The following DOCK7 variants were observed in gnomAD, a reference collection of about 807,000 sequenced individuals.
The protein encoded by DOCK7 is dedicator of cytokinesis protein 7.
A neutral mutation model predicts 271.0 loss-of-function variants in DOCK7; 138 were observed. That is an observed-to-expected ratio of 0.51 (90% CI 0.44 to 0.59). The LOEUF (loss-of-function observed/expected upper bound fraction) is 0.59. Among genes scored for constraint, DOCK7 ranks in the 20% least tolerant of loss-of-function variants. DOCK7 has a pLI of 0.00. For synonymous variants in DOCK7, 823 were observed against 876.1 expected, an observed-to-expected ratio of 0.94 and a Z score of 1.07; for missense variants, 2,066 against 2,592.4, an observed-to-expected ratio of 0.80 and a Z score of 4.41.
intron 18 of DOCK7, among the ~76,000 whole-genome samples, chr1:62,568,605 TAAAAAAA>T (rs549578355): frequency 2.2e-5 from 1 of 46,254 alleles, no homozygotes; most frequent in Non-Finnish European, 4.1e-5. Flanking sequence ...GTGCCCTGCC[TAAAAAAA>T]AAAAAAAAAA....
rs914834215 is a variant in DOCK7, at chr1:62,528,208, G to C, written c.3879C>G (p.Ile1293Met). 3 of 1,613,670 alleles carry C rather than the reference G, an allele frequency of 1.9e-6. No individual in the cohort carries two copies. Among genetic ancestry groups the C allele is most frequent in the African/African-American group, 1.3e-5 (1 of 74,900 alleles). Reference sequence around the variant, plus strand: ...TTAGTTGAGGGACCGATGTCCCTGCGATTGCCATGGCAACGGTCTGGCTTA... The same window carrying C: ...TTAGTTGAGGGACCGATGTCCCTGCCATTGCCATGGCAACGGTCTGGCTTA... Reference protein sequence around the residue: ...SMISQTVAMAIAGTSVPQLTR... With the variant: ...SMISQTVAMAMAGTSVPQLTR... Residue 1293 changes from isoleucine (I) to methionine (M), a missense_variant, in exon 31 of 50, where the codon ATC (isoleucine) becomes ATG (methionine). By Grantham distance (10) the Ile-to-Met change is conservative. Transcript: ENST00000635253.
At chr1:62,510,955 T>C (rs969552909) in intron 33 of DOCK7, 38 of 319,742 alleles carry the variant, frequency 1.2e-4, no homozygotes, top group Admixed American at 6.5e-4. Flanking sequence ...AACCATGGCT[T>C]ATAAGGCCTT....
intron 43 of DOCK7, among the ~76,000 whole-genome samples, chr1:62,480,267 T>C (rs1646082491): frequency 1.3e-5 from 2 of 152,222 alleles, no homozygotes; most frequent in African/African-American, 2.4e-5. Context: ...ACCTTCAATC[T>C]GAACACTGAA....
At chr1:62,663,156 C>T (rs544343972) in intron 1 of DOCK7, 26 bp from the exon 2 acceptor site, 24 of 1,476,738 alleles carry the variant, frequency 1.6e-5, no homozygotes, top group South Asian at 1.1e-4. Context: ...CAAAAACATA[C>T]GCATTATTGA....
rs755772110 is a variant in DOCK7 at position 62,604,620 on chromosome 1, C to T, written c.1682+14086G>A. Reference sequence around the variant, plus strand: ...AGTCTGTACCCATTAAATTGCATATCTATCTCCTTTAGGAGGCTGGTGGTG... The same window carrying T: ...AGTCTGTACCCATTAAATTGCATATTTATCTCCTTTAGGAGGCTGGTGGTG... On this transcript the variant is annotated intron_variant, in intron 14 of 49. Transcript: ENST00000635253. The T allele has an allele frequency of 6.2e-6, 10 of 1,612,196 alleles. No individual in the cohort carries two copies. Among genetic ancestry groups the T allele is most frequent in the South Asian group, 1.1e-5 (1 of 91,044 alleles).
intron 18 of DOCK7, among the ~76,000 whole-genome samples, chr1:62,566,015 AAGG>A (rs1269787787): frequency 2.0e-5 from 3 of 152,220 alleles, no homozygotes; most frequent in African/African-American, 7.2e-5. Context: ...GGACCTCTTC[AAGG>A]AGAACTACAC....
intron 12 of DOCK7, among the ~76,000 whole-genome samples, chr1:62,620,883 CAAAAA>C (rs767181280): frequency 3.2e-5 from 1 of 31,148 alleles, no homozygotes; most frequent in African/African-American, 9.4e-5. Flanking sequence ...GACTCCGTCT[CAAAAA>C]AAAAAAAAAA....
chr1:62,488,119 T>A (rs972620390), intron 42 of DOCK7: 1 of 152,328 alleles, frequency 6.6e-6, no homozygotes, highest in Non-Finnish European at 1.5e-5. Flanking sequence ...TAATACTGAA[T>A]ACAAAAGTGG....
chr1:62,567,249 T>A (rs1400114553), intron 18 of DOCK7, among the ~76,000 whole-genome samples: 1 of 152,140 alleles, frequency 6.6e-6, no homozygotes, highest in Non-Finnish European at 1.5e-5. Flanking sequence ...CATACACACA[T>A]ATGTTTACTG....
At chr1:62,517,551 C>T (rs898757071) in intron 31 of DOCK7, among the ~76,000 whole-genome samples, 9 of 152,058 alleles carry the variant, frequency 5.9e-5, no homozygotes, top group Admixed American at 2.0e-4. Flanking sequence ...GCCGAGATTG[C>T]GCCATTGCAC....
At chr1:62,479,201 A>T (rs1646047708) in intron 43 of DOCK7, among the ~76,000 whole-genome samples, 1 of 152,284 alleles carries the variant, frequency 6.6e-6, no homozygotes, top group South Asian at 2.1e-4. Context: ...AGGGCATATA[A>T]AATAAGCTAG....
At chr1:62,560,359 G>A (rs573111826) in intron 19 of DOCK7, among the ~76,000 whole-genome samples, 2 of 151,972 alleles carry the variant, frequency 1.3e-5, no homozygotes, top group South Asian at 2.1e-4. Context: ...TTCAGCTATC[G>A]CATTTATTCT....
chr1:62,635,250 A>C (rs1032866294), intron 8 of DOCK7: 48 of 166,276 alleles, frequency 2.9e-4, no homozygotes, highest in Non-Finnish European at 5.2e-4. Context: ...TAAACAAGCT[A>C]TTTGGAAAAC....
intron 20 of DOCK7, among the ~76,000 whole-genome samples, chr1:62,556,889 A>T (rs1002860740): frequency 6.6e-6 from 1 of 152,096 alleles, no homozygotes; most frequent in African/African-American, 2.4e-5. Flanking sequence ...AAGTTAAGCG[A>T]TCCTACCTGT....
At chr1:62,539,091 T>C (rs989290657) in intron 27 of DOCK7, among the ~76,000 whole-genome samples, 1 of 152,210 alleles carries the variant, frequency 6.6e-6, no homozygotes, top group Non-Finnish European at 1.5e-5. Context: ...AATGAACATA[T>C]GGCAAATGGG....
intron 22 of DOCK7, among the ~76,000 whole-genome samples, chr1:62,545,603 C>T (rs1296234375): frequency 2.0e-5 from 3 of 152,022 alleles, no homozygotes; most frequent in African/African-American, 7.2e-5. Context: ...ATATTTACTC[C>T]TTCCTAATAA....
At chr1:62,549,122 A>G (rs1645808199) in intron 22 of DOCK7, among the ~76,000 whole-genome samples, 1 of 152,176 alleles carries the variant, frequency 6.6e-6, no homozygotes, top group Admixed American at 6.5e-5. Flanking sequence ...GAAAAGGAAG[A>G]ATCCACAAAG....
At chr1:62,467,405 T>C (rs1645711329) in intron 48 of DOCK7, among the ~76,000 whole-genome samples, 2 of 152,162 alleles carry the variant, frequency 1.3e-5, no homozygotes, top group Admixed American at 1.3e-4. Flanking sequence ...TCTGAACCAC[T>C]GCCAGAAAAT....
intron 29 of DOCK7, among the ~76,000 whole-genome samples, chr1:62,531,258 C>A (rs1002408739): frequency 7.2e-5 from 11 of 152,214 alleles, no homozygotes; most frequent in Non-Finnish European, 1.2e-4. Flanking sequence ...AGCTACCATA[C>A]TCATACTCCA....
Sources: gnomAD v4.1 joint callset for allele counts (sites outside exome capture counted in the v4.1 genomes callset) on GRCh38, gnomAD v4.1.1 for gene constraint, MANE v1.5 for transcripts, NCBI Gene and HGNC (gene_info 2026-07-23, HGNC 2026-07-21) for gene names.